The following USP4 variants were observed in gnomAD, a reference collection of about 807,000 sequenced individuals.
USP4 encodes the protein ubiquitin specific peptidase 4.
In USP4, 72 loss-of-function variants were observed where a neutral mutation model predicts 118.2. The ratio of observed to expected loss-of-function variants is 0.61; its 90% CI spans 0.50 to 0.74. The LOEUF is 0.74. Among genes scored for constraint, USP4 ranks in the 30% least tolerant of loss-of-function variants. USP4 has a pLI of 0.00. For synonymous variants in USP4, 415 were observed against 440.4 expected (o/e 0.94, Z 0.72); for missense variants, 1,037 against 1,185.7 (o/e 0.87, Z 1.84).
chr3:49,311,443 G>T, intron 7 of USP4, 71 bp downstream of exon 7: 1 of 1,550,712 alleles, frequency 6.4e-7, no homozygotes. Flanking sequence ...TGGAGCAGCA[G>T]ATGAGCTCTC....
intron 2 of USP4, among the ~76,000 whole-genome samples, chr3:49,329,248 T>C (rs1221376586): frequency 6.6e-6 from 1 of 152,148 alleles, no homozygotes; most frequent in African/African-American, 2.4e-5. Flanking sequence ...TCACTTCTAA[T>C]TCTAGTTCTC....
chr3:49,313,209 AAATT>A (rs2047404364), intron 6 of USP4, among the ~76,000 whole-genome samples: 1 of 152,104 alleles, frequency 6.6e-6, no homozygotes, highest in Admixed American at 6.6e-5. Flanking sequence ...TGAATTTTAA[AAATT>A]ATTAGTGAAA....
intron 14 of USP4, 99 bp downstream of exon 14, chr3:49,294,308 C>T (rs1324656075): frequency 7.8e-7 from 1 of 1,285,746 alleles, no homozygotes; most frequent in Non-Finnish European, 1.1e-6. Flanking sequence ...CAGAGGTGAG[C>T]ATGTAGGATC....
At chr3:49,316,839 G>A in intron 6 of USP4, 1 of 561,912 alleles carries the variant, frequency 1.8e-6, no homozygotes, top group Admixed American at 3.1e-5. Context: ...GTGCCGCAGA[G>A]ACAGGCCCCT....
intron 13 of USP4, among the ~76,000 whole-genome samples, chr3:49,297,287 A>C (rs1372760288): frequency 6.6e-6 from 1 of 152,200 alleles, no homozygotes; most frequent in Non-Finnish European, 1.5e-5. Flanking sequence ...GGACACACAC[A>C]CAATTACACA....
At chr3:49,285,200 A>C (rs1164107754) in intron 16 of USP4, among the ~76,000 whole-genome samples, 2 of 152,150 alleles carry the variant, frequency 1.3e-5, no homozygotes, top group Non-Finnish European at 2.9e-5. Flanking sequence ...AGTAATAGGG[A>C]CCAGATTTAT....
chr3:49,277,159 A>G lies in USP4; in HGVS notation c.*1134T>C. ...CCCTACCGGCACCCCCCCTTTGGCGAGTCGGCAGCCACGTCCTTGTCCTCA... is the reference window on the plus strand; with the variant it reads ...CCCTACCGGCACCCCCCCTTTGGCGGGTCGGCAGCCACGTCCTTGTCCTCA... On this transcript the variant is annotated 3_prime_UTR_variant, in exon 22 of 22. Coordinates refer to ENST00000265560, the MANE Select transcript of USP4 (RefSeq NM_003363.4). 1 of 1,416,912 alleles carries G rather than the reference A, an allele frequency of 7.1e-7. No homozygotes were observed. The highest frequency in any genetic ancestry group is 9.3e-7 in the Non-Finnish European group (1 of 1,070,718). The allele number at this position is 1,416,912 out of a possible 1,614,324, so 87.8% of individuals were successfully genotyped here.
intron 6 of USP4, among the ~76,000 whole-genome samples, chr3:49,315,930 G>A (rs1486459309): frequency 2.0e-5 from 3 of 152,234 alleles, no homozygotes; most frequent in Admixed American, 6.5e-5. Context: ...TAGGCCAGGC[G>A]TGGTGGCTCA....
intron 3 of USP4, among the ~76,000 whole-genome samples, chr3:49,327,108 C>T (rs544137074): frequency 6.6e-6 from 1 of 152,324 alleles, no homozygotes; most frequent in South Asian, 2.1e-4. Flanking sequence ...AACTTTCTCT[C>T]ATAGAATTTT....
rs1327029124 is a variant in USP4 at position 49,278,940 on chromosome 3, A to G, written c.2645-38T>C. On this transcript the variant is annotated intron_variant, in intron 20 of 21. Coordinates refer to ENST00000265560, the MANE Select transcript of USP4 (RefSeq NM_003363.4). ...CAAAGAAAATACTCTAGCGGTCTCCAGAGAATTAATCTGGCTAGCTTATTA... is the reference window on the plus strand; with the variant it reads ...CAAAGAAAATACTCTAGCGGTCTCCGGAGAATTAATCTGGCTAGCTTATTA... The G allele has an allele frequency of 2.8e-6, 4 of 1,443,834 alleles. No individual in the cohort carries two copies. In the Admixed American group the frequency reaches 5.6e-5, roughly 20 times the overall value. 89.4% of individuals were successfully genotyped at this position (1,443,834 alleles called of 1,614,324 possible).
At chr3:49,302,582 A>T (rs759139702) in intron 9 of USP4, 40 bp from the exon 10 acceptor site, 2 of 1,591,832 alleles carry the variant, frequency 1.3e-6, no homozygotes, top group Non-Finnish European at 1.7e-6. Context: ...ATAATACGTA[A>T]AGAACTAGTT....
chr3:49,278,480 C>T (rs370187375), intron 21 of USP4, 29 bp from the exon 22 acceptor site: 15 of 1,603,994 alleles, frequency 9.4e-6, no homozygotes, highest in Non-Finnish European at 1.3e-5. Flanking sequence ...AAAGACCATT[C>T]AGTGCTTGGA....
At chr3:49,285,997 GAGACTGT>G in intron 16 of USP4, 94 bp downstream of exon 16, 6 of 1,133,986 alleles carry the variant, frequency 5.3e-6, no homozygotes, top group Non-Finnish European at 7.7e-6. Context: ...TGGAGGCACA[GAGACTGT>G]GAAAGCCCAA....
chr3:49,301,271 T>C (rs1239825104), intron 10 of USP4, among the ~76,000 whole-genome samples: 3 of 152,080 alleles, frequency 2.0e-5, no homozygotes, highest in Non-Finnish European at 2.9e-5. Context: ...GTTGGCAACA[T>C]AGGACCTATT....
rs2047384163 is a variant in USP4, at chr3:49,311,651, TG to T, written c.698del (p.Ser233Ter). ...TAAAATTTCTGCTAGGCGCAGTGCTTGATCTGGGAGAGAGAAGCAGAAACAA... is the reference window on the plus strand; with the variant it reads ...TAAAATTTCTGCTAGGCGCAGTGCTTATCTGGGAGAGAGAAGCAGAAACAA... The part of the protein sequence containing the change: ...TWPRQTLQSK[S>X]STAPSRNFTT... On this transcript the variant is annotated frameshift_variant and splice_region_variant, in exon 7 of 22. Coordinates refer to ENST00000265560, the MANE Select transcript of USP4 (RefSeq NM_003363.4). LOFTEE classifies it high-confidence loss of function. 6.2e-7 allele frequency: 1 copy of T among 1,613,486 alleles called. No individual in the cohort carries two copies.
intron 13 of USP4, 44 bp from the exon 14 acceptor site, chr3:49,294,642 G>T: frequency 1.3e-6 from 2 of 1,574,830 alleles, no homozygotes; most frequent in Non-Finnish European, 1.7e-6. Context: ...GTAGGTCCTT[G>T]TGAACAACAG....
chr3:49,339,841 G>T, intron 1 of USP4, 83 bp downstream of exon 1: 3 of 1,152,946 alleles, frequency 2.6e-6, no homozygotes, highest in Non-Finnish European at 1.3e-6. Flanking sequence ...TCCCCGCCCA[G>T]CCCCTACTCT....
At chr3:49,280,374 AC>A (rs2047005849) in intron 20 of USP4, among the ~76,000 whole-genome samples, 1 of 151,582 alleles carries the variant, frequency 6.6e-6, no homozygotes, top group African/African-American at 2.4e-5. Context: ...ATCCTGGCTA[AC>A]ATGGTGAAAC....
chr3:49,310,551 A>AC, intron 8 of USP4, 69 bp downstream of exon 8: 2 of 1,342,870 alleles, frequency 1.5e-6, no homozygotes, highest in Non-Finnish European at 2.1e-6. Flanking sequence ...TCCACCCAGT[A>AC]CCTTTGCAGG....
Sources: allele counts gnomAD v4.1 joint callset (sites outside exome capture counted in the v4.1 genomes callset), GRCh38; gene constraint gnomAD v4.1.1; transcripts MANE v1.5; gene names NCBI Gene and HGNC (gene_info 2026-07-23, HGNC 2026-07-21).